Variants in ABI3BP observed in about 807,000 individuals in gnomAD.
ABI3BP encodes target of Nesh-SH3.
In ABI3BP, 216 loss-of-function variants were observed where a neutral mutation model predicts 268.6. That is an observed-to-expected ratio of 0.80 (90% CI 0.72 to 0.90). The LOEUF (loss-of-function observed/expected upper bound fraction) is 0.90. ABI3BP is among the 40% of genes least tolerant of loss of function. The pLI is 0.00. For missense variants in ABI3BP, 2,090 were observed against 2,182.4 expected (o/e 0.96, Z 0.84); for synonymous variants, 730 against 730.0 (o/e 1.00, Z 0.00).
chr3:100,984,583 C>T (rs2090982524), intron 1 of ABI3BP, among the ~76,000 whole-genome samples: 1 of 152,140 alleles, frequency 6.6e-6, no homozygotes, highest in Non-Finnish European at 1.5e-5. Context: ...TGTGTACTGA[C>T]AGGCCTTAAA....
At chr3:100,752,702 C>T (rs1043648345) in intron 66 of ABI3BP, 85 bp downstream of exon 66, 5 of 1,467,048 alleles carry the variant, frequency 3.4e-6, no homozygotes, top group African/African-American at 1.4e-5. Flanking sequence ...GTGCCTGAAA[C>T]TCTTAAGAAA....
At chr3:100,825,692 G>T in intron 35 of ABI3BP, 93 bp downstream of exon 35, 1 of 959,366 alleles carries the variant, frequency 1.0e-6, no homozygotes, top group Non-Finnish European at 1.6e-6. Flanking sequence ...TGTAGAGGAA[G>T]ACATGCCATG....
chr3:100,841,694 G>A (rs1382758968), intron 21 of ABI3BP, among the ~76,000 whole-genome samples: 2 of 152,034 alleles, frequency 1.3e-5, no homozygotes, highest in African/African-American at 4.8e-5. Flanking sequence ...TTTGAGACCA[G>A]CCTGGCCAGC....
At chr3:100,889,002 A>G (rs973684362) in intron 4 of ABI3BP, among the ~76,000 whole-genome samples, 5 of 152,096 alleles carry the variant, frequency 3.3e-5, no homozygotes, top group Admixed American at 3.3e-4. Context: ...AGGGTCATTT[A>G]AAAATTAGAC....
At chr3:100,991,479 C>T (rs966905589) in intron 1 of ABI3BP, among the ~76,000 whole-genome samples, 1 of 151,988 alleles carries the variant, frequency 6.6e-6, no homozygotes, top group Non-Finnish European at 1.5e-5. Context: ...ATTGTGATTC[C>T]CCCCTTAAAG....
intron 4 of ABI3BP, 35 bp downstream of exon 4, chr3:100,898,727 G>T (rs778184520): frequency 6.3e-6 from 10 of 1,596,654 alleles, no homozygotes; most frequent in Non-Finnish European, 7.7e-6. Flanking sequence ...TCTAAAGCAT[G>T]TACAGATGCT....
In ABI3BP at chr3:100,911,295, C is replaced by T. The variant is rs1217678354; in HGVS notation, c.260-8609G>A. The stretch of plus-strand genomic sequence containing the variant: ...TAGAAACATGTCTGTTTTTTAAAGA[C>T]ACAACACACGAATGAAGAAATTCAG... On this transcript the variant is annotated intron_variant, in intron 2 of 67. Coordinates refer to ENST00000471714, the MANE Select transcript of ABI3BP (RefSeq NM_001375547.2). 6.8e-6 allele frequency: 2 copies of T among 296,232 alleles called. 1 individual carries two copies. Among genetic ancestry groups the T allele is most frequent in the South Asian group, 1.2e-4 (2 of 16,608 alleles). The allele number at this position is 296,232 out of a possible 1,614,324, so 18.4% of individuals were successfully genotyped here. A position where few individuals can be genotyped will look rare whatever the true frequency, so the allele number is the denominator to read the frequency against.
intron 29 of ABI3BP, 128 bp from the exon 30 acceptor site, chr3:100,833,285 A>G: frequency 2.5e-6 from 2 of 802,810 alleles, no homozygotes; most frequent in Non-Finnish European, 3.8e-6. Context: ...CAAAGCAAAC[A>G]TTTTGAAGTT....
rs558652196 is a variant in ABI3BP, at chr3:100,862,039, C to G, written c.1285+272G>C. Reference sequence around the variant, plus strand: ...ACTGTTTTCCTGTCACTAAAGAGATCTCTATCAATGAGCCAATTCATAGTT... The same window carrying G: ...ACTGTTTTCCTGTCACTAAAGAGATGTCTATCAATGAGCCAATTCATAGTT... On this transcript the variant is annotated intron_variant, in intron 14 of 67. Coordinates refer to ENST00000471714, the MANE Select transcript of ABI3BP (RefSeq NM_001375547.2). Among the ~76,000 whole-genome samples the G allele has an allele frequency of 2.6e-5, 4 of 152,284 alleles. No individual in the cohort carries two copies. In the South Asian group the frequency reaches 8.3e-4, roughly 32 times the overall value.
rs1327548216 is a variant in ABI3BP, at chr3:100,841,220, T to TGTTTTTTTG, written c.1766-363_1766-362insCAAAAAAAC. 6.9e-3 allele frequency among the ~76,000 whole-genome samples: 828 copies of TGTTTTTTTG among 119,586 alleles called. 5 individuals are homozygous for TGTTTTTTTG. Among genetic ancestry groups the TGTTTTTTTG allele is most frequent in the Non-Finnish European group, 0.01 (596 of 58,594 alleles). 78.5% of individuals were successfully genotyped at this position (119,586 alleles called of 152,430 possible). ...TTTTTTTTTTTTTTTTTTTTTTTTT[T>TGTTTTTTTG]TTTTTTTGCTCTTTTGAAGAAAAAG... On this transcript the variant is annotated intron_variant, in intron 21 of 67. Coordinates refer to ENST00000471714, the MANE Select transcript of ABI3BP (RefSeq NM_001375547.2).
intron 2 of ABI3BP, among the ~76,000 whole-genome samples, chr3:100,925,558 G>A (rs921274313): frequency 6.6e-6 from 1 of 151,896 alleles, no homozygotes; most frequent in African/African-American, 2.4e-5. Flanking sequence ...GGACTACAAG[G>A]CGTGAGCTAC....
In ABI3BP at chr3:100,966,223, G is replaced by A. The variant is rs575123281; in HGVS notation, c.79+27083C>T. ...ACTTCATGTGTGGACTATGAATACA[G>A]GCAAGAGCTCTGTTATCAATAAACC... On this transcript the variant is annotated intron_variant, in intron 1 of 67. Transcript: ENST00000471714. Among the ~76,000 whole-genome samples, 4 of 152,334 alleles carry A rather than the reference G, an allele frequency of 2.6e-5. 1 individual carries two copies. Among genetic ancestry groups the A allele is most frequent in the South Asian group, 2.1e-4 (1 of 4,830 alleles).
At chr3:100,850,882 A>G (rs1441572138) in intron 15 of ABI3BP, 148 bp from the exon 16 acceptor site, 2 of 606,048 alleles carry the variant, frequency 3.3e-6, no homozygotes, top group Non-Finnish European at 2.9e-6. Context: ...AACTAGTGAT[A>G]CATCAGGAGT....
At chr3:100,940,019 G>A (rs1042459673) in intron 1 of ABI3BP, among the ~76,000 whole-genome samples, 12 of 152,150 alleles carry the variant, frequency 7.9e-5, no homozygotes, top group Admixed American at 5.9e-4. Context: ...TGTTCCGCCC[G>A]GCTCACCGGT....
At chr3:100,924,230 C>T (rs1048627072) in intron 2 of ABI3BP, among the ~76,000 whole-genome samples, 3 of 151,932 alleles carry the variant, frequency 2.0e-5, no homozygotes, top group Non-Finnish European at 4.4e-5. Flanking sequence ...AGGATTGTTA[C>T]AGAATAAAAG....
chr3:100,826,907 G>A lies in ABI3BP; in HGVS notation c.2603-1063C>T, dbSNP rs1234922376. 2.0e-5 allele frequency among the ~76,000 whole-genome samples: 3 copies of A among 152,052 alleles called. No homozygotes were observed. In the East Asian group the frequency reaches 5.8e-4, roughly 29 times the overall value. ...TTCAAGCCCTCCGTCCACTTTCCAC[G>A]GTGTCATCCAAATGCAGAATTATCA... On this transcript the variant is annotated intron_variant, in intron 34 of 67. Transcript: ENST00000471714.
At position 100,856,985 on chromosome 3, in the gene ABI3BP, CTA is replaced by C. The variant is rs1426884894; in HGVS notation, c.1286-5047_1286-5046del. Among the ~76,000 whole-genome samples, 6 of 152,256 alleles carry C rather than the reference CTA, an allele frequency of 3.9e-5. No individual in the cohort carries two copies. In the East Asian group the frequency reaches 1.2e-3, roughly 29 times the overall value. ...CTGCCACCGTAACTGAAGAGAGAGA[CTA>C]TGTGATATGATTTACCATCCTTGCT... On this transcript the variant is annotated intron_variant, in intron 14 of 67. Transcript: ENST00000471714.
chr3:100,873,288 A>G (rs1220850598), intron 9 of ABI3BP, among the ~76,000 whole-genome samples: 1 of 152,218 alleles, frequency 6.6e-6, no homozygotes, highest in African/African-American at 2.4e-5. Context: ...AAGTAGCTTG[A>G]CATTATGTGG....
At chr3:100,851,736 A>T (rs557439468) in intron 15 of ABI3BP, 139 bp downstream of exon 15, 1 of 668,890 alleles carries the variant, frequency 1.5e-6, no homozygotes, top group Non-Finnish European at 2.5e-6. Context: ...GGTAAAACAC[A>T]ACTCCCTGAC....
Sources: gnomAD v4.1 joint callset for allele counts (sites outside exome capture counted in the v4.1 genomes callset) on GRCh38, gnomAD v4.1.1 for gene constraint, MANE v1.5 for transcripts, NCBI Gene and HGNC (gene_info 2026-07-23, HGNC 2026-07-21) for gene names.